Variants in DSCC1 observed in about 807,000 individuals in gnomAD.
DSCC1 encodes the protein DNA replication and sister chromatid cohesion 1, also known as sister chromatid cohesion protein DCC1.
Under a neutral mutation model 48.2 loss-of-function variants are expected in DSCC1, and 32 were observed. The ratio of observed to expected loss-of-function variants is 0.66; its 90% confidence interval spans 0.50 to 0.89. DSCC1 has a LOEUF of 0.89. Ranked by LOEUF, DSCC1 falls within the 40% of genes least tolerant of loss-of-function variation. DSCC1 has a pLI of 0.00. For synonymous variants in DSCC1, 150 were observed against 171.5 expected, an observed-to-expected ratio of 0.87 and a Z score of 0.98; for missense variants, 421 against 471.7, an observed-to-expected ratio of 0.89 and a Z score of 1.00.
chr8:119,840,843 C>T (rs972876710), intron 7 of DSCC1, among the ~76,000 whole-genome samples: 13 of 151,314 alleles, frequency 8.6e-5, no homozygotes, highest in Non-Finnish European at 5.9e-5. Context: ...ACCCAGGAGG[C>T]GGGGGTTGCA....
rs903179732 is a variant in DSCC1, at chr8:119,853,331, G to C, written c.183-116C>G. ...GAACTTAGAATTAAGTTTTGATGCT[G>C]CCTCTGCCCCCTGCTAGCACAATGC... On this transcript the variant is annotated intron_variant, in intron 1 of 8. Transcript: ENST00000313655. 8 of 1,129,946 alleles carry C rather than the reference G, an allele frequency of 7.1e-6. No homozygotes were observed. The African/African-American group carries it at 1.3e-4, about 18-fold the overall frequency. 70.0% of individuals were successfully genotyped at this position (1,129,946 alleles called of 1,614,324 possible).
chr8:119,843,797 G>T (rs62526618), intron 4 of DSCC1, 50 bp from the exon 5 acceptor site: 2 of 1,558,386 alleles, frequency 1.3e-6, no homozygotes, highest in Non-Finnish European at 1.7e-6. Flanking sequence ...TTTTTTTAAG[G>T]CAGGGTCTCA....
intron 3 of DSCC1, 102 bp downstream of exon 3, chr8:119,850,273 CATTTATA>C: frequency 8.9e-7 from 1 of 1,126,700 alleles, no homozygotes; most frequent in East Asian, 2.8e-5. Context: ...TTAACACAAG[CATTTATA>C]ACAGCTATAT....
intron 4 of DSCC1, among the ~76,000 whole-genome samples, chr8:119,845,820 A>G (rs1826847778): frequency 6.6e-6 from 1 of 152,060 alleles, no homozygotes; most frequent in South Asian, 2.1e-4. Context: ...GTGGTGGCGC[A>G]TGACTGTAAC....
chr8:119,855,629 A>T lies in DSCC1; in HGVS notation c.167T>A (p.Leu56Gln). 1 of 1,545,626 alleles carries T rather than the reference A, an allele frequency of 6.5e-7. No individual in the cohort carries two copies. Among genetic ancestry groups the T allele is most frequent in the Non-Finnish European group, 8.7e-7 (1 of 1,146,168 alleles). The change falls in exon 1 of 9, where the codon CTG becomes CAG. Residue 56 changes from leucine (L) to glutamine (Q), a missense_variant. Physicochemically the swap from Leu to Gln is moderately radical, Grantham distance 113. This residue lies in a region of DSCC1 where 174 missense variants were observed against 184.5 expected (regional missense o/e 0.94). Transcript: ENST00000313655. ...CAGGGCTCACCTGTGTCCATCCTCCAGCTGCTGGCACAGCGTGGGCTCCAG... is the reference window on the plus strand; with the variant it reads ...CAGGGCTCACCTGTGTCCATCCTCCTGCTGCTGGCACAGCGTGGGCTCCAG... ...LELEPTLCQQ[L>Q]EDGHSLVIRG... is the part of the protein sequence containing the mutation.
rs1826961861 is a variant in DSCC1, at chr8:119,852,933, T to C, written c.351+114A>G. Reference sequence around the variant, plus strand: ...GAAATTCAAATTTCTTTAAAGAACTTCTTAGATTCTCCCTGATTATAGATT... The same window carrying C: ...GAAATTCAAATTTCTTTAAAGAACTCCTTAGATTCTCCCTGATTATAGATT... On this transcript the variant is annotated intron_variant, in intron 2 of 8. Coordinates refer to ENST00000313655, the MANE Select transcript of DSCC1 (RefSeq NM_024094.3). 23 of 944,612 alleles carry C rather than the reference T, an allele frequency of 2.4e-5. No individual in the cohort carries two copies. The South Asian group carries it at 6.5e-4, about 27-fold the overall frequency. 58.5% of individuals were successfully genotyped at this position (944,612 alleles called of 1,614,324 possible). A position where few individuals can be genotyped will look rare whatever the true frequency, so the allele number is the denominator to read the frequency against.
intron 3 of DSCC1, among the ~76,000 whole-genome samples, chr8:119,849,079 G>A (rs894297075): frequency 4.0e-5 from 6 of 151,834 alleles, no homozygotes; most frequent in African/African-American, 1.2e-4. Flanking sequence ...CAGCTATTCG[G>A]GAGGCTGAGG....
At chr8:119,845,467 G>A (rs890744708) in intron 4 of DSCC1, among the ~76,000 whole-genome samples, 2 of 152,044 alleles carry the variant, frequency 1.3e-5, no homozygotes, top group Non-Finnish European at 2.9e-5. Context: ...AAAGGAGAAT[G>A]TTTCTATTCT....
intron 5 of DSCC1, 98 bp from the exon 6 acceptor site, chr8:119,842,926 A>T: frequency 1.0e-6 from 1 of 983,750 alleles, no homozygotes; most frequent in Non-Finnish European, 1.5e-6. Flanking sequence ...GAAATTTGAG[A>T]TTTCAAATAC....
intron 2 of DSCC1, among the ~76,000 whole-genome samples, chr8:119,851,035 A>G (rs1357630866): frequency 6.6e-6 from 1 of 152,206 alleles, no homozygotes; most frequent in African/African-American, 2.4e-5. Context: ...AACTGCAGCT[A>G]ATTCCACTGT....
intron 4 of DSCC1, among the ~76,000 whole-genome samples, chr8:119,844,018 C>T (rs973546418): frequency 2.0e-5 from 3 of 152,180 alleles, no homozygotes; most frequent in Admixed American, 2.0e-4. Context: ...CTCACATCGT[C>T]AGCCCGCCTC....
intron 2 of DSCC1, 73 bp from the exon 3 acceptor site, chr8:119,850,589 C>A: frequency 2.3e-6 from 3 of 1,317,726 alleles, no homozygotes; most frequent in South Asian, 1.6e-5. Context: ...TACAACTAAT[C>A]AATCTGCCCC....
Position 119,850,400 on chromosome 8 carries a change from C to A in DSCC1, c.468G>T (p.Lys156Asn). The change falls in exon 3 of 9, where the codon AAG (lysine) becomes AAT (asparagine). Residue 156 changes from lysine to asparagine, a missense_variant. Physicochemically the swap from Lys to Asn is moderately conservative, Grantham distance 94 (BLOSUM62 0). Coordinates refer to ENST00000313655, the MANE Select transcript of DSCC1 (RefSeq NM_024094.3). ...GTCTTACTTTTGAGCTATTTGAATC[C>A]TTCTCTTTTTGACTGTCAGGTCCTT... is the stretch of plus-strand genomic sequence containing the variant. ...PYEGPDSQKE[K>N]DSNSSKYTTE... 1 of 1,579,990 alleles carries A rather than the reference C, an allele frequency of 6.3e-7. No homozygotes were observed. The highest frequency in any genetic ancestry group is 2.0e-5 in the Admixed American group (1 of 50,318).
At chr8:119,842,230 C>T (rs1826783169) in intron 6 of DSCC1, among the ~76,000 whole-genome samples, 1 of 152,012 alleles carries the variant, frequency 6.6e-6, no homozygotes, top group African/African-American at 2.4e-5. Context: ...TGTGCCATCA[C>T]GCCTGGCTAA....
At chr8:119,843,804 C>G in intron 4 of DSCC1, 57 bp from the exon 5 acceptor site, 1 of 1,540,216 alleles carries the variant, frequency 6.5e-7, no homozygotes, top group Non-Finnish European at 8.8e-7. Flanking sequence ...AAGGCAGGGT[C>G]TCAACTCTGT....
At chr8:119,850,605 C>G (rs1563946947) in intron 2 of DSCC1, 89 bp from the exon 3 acceptor site, 1 of 1,221,424 alleles carries the variant, frequency 8.2e-7, no homozygotes, top group Non-Finnish European at 1.1e-6. Context: ...GCCCCCTCAA[C>G]AAGTACAAAG....
chr8:119,846,858 C>T, intron 4 of DSCC1, 132 bp downstream of exon 4: 1 of 877,992 alleles, frequency 1.1e-6, no homozygotes, highest in Non-Finnish European at 1.7e-6. Flanking sequence ...TGCGCCCGGC[C>T]CAAATGACAC....
intron 4 of DSCC1, among the ~76,000 whole-genome samples, chr8:119,846,423 T>G (rs1338508487): frequency 6.6e-6 from 1 of 152,134 alleles, no homozygotes; most frequent in Non-Finnish European, 1.5e-5. Flanking sequence ...GGACCTTTCT[T>G]AATCTAACAT....
At chr8:119,842,060 A>T in intron 6 of DSCC1, 112 bp from the exon 7 acceptor site, 3 of 1,195,096 alleles carry the variant, frequency 2.5e-6, no homozygotes, top group South Asian at 1.6e-5. Flanking sequence ...ACCTAAACTC[A>T]CTTCCGACAA....
Sources: allele counts gnomAD v4.1 joint callset (sites outside exome capture counted in the v4.1 genomes callset), GRCh38; gene constraint gnomAD v4.1.1; regional missense constraint gnomAD v4.1.1; transcripts MANE v1.5; gene names NCBI Gene and HGNC (gene_info 2026-07-23, HGNC 2026-07-21).